Variants in SPTLC1 observed in about 807,000 individuals in gnomAD.
SPTLC1 encodes the protein serine palmitoyltransferase 1.
SPTLC1 carries 55 observed loss-of-function variants against 68.9 expected under a neutral mutation model. That is an observed-to-expected ratio of 0.80 (90% confidence interval 0.64 to 1.00). The LOEUF (loss-of-function observed/expected upper bound fraction) is 1.00, where lower values mean the gene tolerates loss of function less well. Among genes scored for constraint, SPTLC1 ranks in the 50% least tolerant of loss-of-function variants. The pLI, the probability that SPTLC1 is intolerant of heterozygous loss-of-function variation, is 0.00. For missense variants in SPTLC1, 449 were observed against 573.1 expected (o/e 0.78, Z 2.21); for synonymous variants, 197 against 201.6 (o/e 0.98, Z 0.19).
intron 5 of SPTLC1, chr9:92,078,930 A>G (rs1462826483): frequency 2.2e-6 from 1 of 459,994 alleles, no homozygotes; most frequent in African/African-American, 2.1e-5. Flanking sequence ...AAAAAACTTA[A>G]CTGTTAAAGT....
intron 5 of SPTLC1, among the ~76,000 whole-genome samples, chr9:92,074,446 C>G (rs1180270996): frequency 6.6e-6 from 1 of 152,038 alleles, no homozygotes; most frequent in African/African-American, 2.4e-5. Flanking sequence ...TCAGAGCTAC[C>G]CTTTTATCCA....
intron 13 of SPTLC1, among the ~76,000 whole-genome samples, chr9:92,037,712 TAAAGAA>T (rs1833191553): frequency 6.6e-6 from 1 of 152,168 alleles, no homozygotes; most frequent in African/African-American, 2.4e-5. Context: ...TTTTGGAAGA[TAAAGAA>T]ATTTAAATAA....
intron 3 of SPTLC1, among the ~76,000 whole-genome samples, chr9:92,088,665 G>C (rs1488254413): frequency 2.6e-5 from 4 of 152,128 alleles, no homozygotes; most frequent in Non-Finnish European, 5.9e-5. Context: ...AAATGATTAA[G>C]AACAAGTATA....
At chr9:92,083,819 A>T (rs1234920265) in intron 3 of SPTLC1, among the ~76,000 whole-genome samples, 1 of 152,116 alleles carries the variant, frequency 6.6e-6, no homozygotes, top group Non-Finnish European at 1.5e-5. Flanking sequence ...TGAATCTATA[A>T]ATTACCTGGG....
chr9:92,083,002 A>AT (rs1427790143), intron 3 of SPTLC1, among the ~76,000 whole-genome samples: 2 of 151,952 alleles, frequency 1.3e-5, no homozygotes, highest in African/African-American at 4.8e-5. Context: ...GATGGTGAGC[A>AT]TTTTTTCATG....
chr9:92,111,141 G>A (rs1403824408), intron 2 of SPTLC1: 5 of 152,072 alleles, frequency 3.3e-5, no homozygotes, highest in Non-Finnish European at 5.9e-5. Context: ...AAAAAACTCC[G>A]TATTTCCAAA....
chr9:92,098,231 GC>G (rs1454566067), intron 3 of SPTLC1, among the ~76,000 whole-genome samples: 1 of 151,936 alleles, frequency 6.6e-6, no homozygotes, highest in Non-Finnish European at 1.5e-5. Flanking sequence ...TCCTGTTCCC[GC>G]CACCCGGACC....
intron 9 of SPTLC1, among the ~76,000 whole-genome samples, chr9:92,049,209 CA>C (rs1197418112): frequency 2.0e-5 from 3 of 152,122 alleles, no homozygotes; most frequent in Non-Finnish European, 4.4e-5. Context: ...TAATGTAAGG[CA>C]ATTTTACGTT....
At chr9:92,051,345 C>T in intron 8 of SPTLC1, 2 of 808,242 alleles carry the variant, frequency 2.5e-6, no homozygotes, top group South Asian at 5.7e-5. Context: ...ATTACATACA[C>T]ATTAGAAGAA....
At chr9:92,110,657 C>T (rs1236791909) in intron 2 of SPTLC1, 1 of 152,134 alleles carries the variant, frequency 6.6e-6, no homozygotes, top group Non-Finnish European at 1.5e-5. Flanking sequence ...CACCTAATAC[C>T]ATCTCTATTA....
At chr9:92,040,641 C>A in intron 12 of SPTLC1, among the ~76,000 whole-genome samples, 1 of 151,800 alleles carries the variant, frequency 6.6e-6, no homozygotes, top group East Asian at 1.9e-4. Flanking sequence ...GCCTGTAATC[C>A]CAGCTACTCA....
At chr9:92,068,934 A>T (rs1564098039) in intron 5 of SPTLC1, among the ~76,000 whole-genome samples, 1 of 152,208 alleles carries the variant, frequency 6.6e-6, no homozygotes, top group Non-Finnish European at 1.5e-5. Context: ...AAGGGATTTT[A>T]AAAAATTCCC....
intron 3 of SPTLC1, among the ~76,000 whole-genome samples, chr9:92,088,457 A>G (rs565639471): frequency 1.3e-5 from 2 of 152,258 alleles, no homozygotes; most frequent in South Asian, 4.1e-4. Context: ...TGATTTTATC[A>G]TGTTATTCAG....
intron 3 of SPTLC1, among the ~76,000 whole-genome samples, chr9:92,090,483 A>C (rs1835318340): frequency 6.6e-6 from 1 of 151,978 alleles, no homozygotes; most frequent in African/African-American, 2.4e-5. Flanking sequence ...GTGGTGGTGC[A>C]TGCCTGTAAT....
intron 12 of SPTLC1, among the ~76,000 whole-genome samples, chr9:92,039,029 C>T (rs1163158011): frequency 1.3e-5 from 2 of 152,152 alleles, no homozygotes; most frequent in East Asian, 3.9e-4. Context: ...CGCCTGTAGT[C>T]CCAGCTAGTT....
intron 3 of SPTLC1, among the ~76,000 whole-genome samples, chr9:92,098,284 A>G (rs1372224123): frequency 6.6e-6 from 1 of 152,150 alleles, no homozygotes; most frequent in Non-Finnish European, 1.5e-5. Context: ...CAGAAGCACG[A>G]AACTCAACCT....
chr9:92,059,217 C>A lies in SPTLC1; in HGVS notation c.652G>T (p.Glu218Ter). Residue 218 changes from glutamate (E) to a stop codon, truncating the protein, a stop_gained, in exon 7 of 15, where the codon GAG (glutamate) becomes TAG (stop). Coordinates refer to ENST00000262554, the MANE Select transcript of SPTLC1 (RefSeq NM_006415.4). LOFTEE classifies it high-confidence loss of function. The stretch of plus-strand genomic sequence containing the variant: ...ATCTCTTGTTCTTTTAGTAGTCGCT[C>A]GAGGTCAGCCATGTCATTATGCTTA... ...LFKHNDMADL[E>*]RLLKEQEIED... 1 of 1,613,920 alleles carries A rather than the reference C, an allele frequency of 6.2e-7. No homozygotes were observed. The highest frequency in any genetic ancestry group is 8.5e-7 in the Non-Finnish European group (1 of 1,179,936).
In SPTLC1 at chr9:92,108,736, T is replaced by C; in HGVS notation, c.260+4A>G. The C allele has an allele frequency of 5.0e-6, 8 of 1,603,622 alleles. No homozygotes were observed. Among genetic ancestry groups the C allele is most frequent in the Non-Finnish European group, 5.1e-6 (6 of 1,174,160 alleles). ...AAGTACTTCAGGTAGCAAAATCAAT[T>C]TACCCTGAAACGATGTTGTAGTTGA... On this transcript the variant is annotated splice_donor_region_variant and intron_variant, in intron 3 of 14. Coordinates refer to ENST00000262554, the MANE Select transcript of SPTLC1 (RefSeq NM_006415.4).
chr9:92,095,581 G>A (rs1160144479), intron 3 of SPTLC1, among the ~76,000 whole-genome samples: 1 of 152,170 alleles, frequency 6.6e-6, no homozygotes, highest in Non-Finnish European at 1.5e-5. Context: ...TACTGACCCT[G>A]CTTTGATATT....
Sources: gnomAD v4.1 joint callset for allele counts (sites outside exome capture counted in the v4.1 genomes callset) on GRCh38, gnomAD v4.1.1 for gene constraint, MANE v1.5 for transcripts, NCBI Gene and HGNC (gene_info 2026-07-23, HGNC 2026-07-21) for gene names.